The following DENND1A variants were observed in gnomAD, a reference collection of about 807,000 sequenced individuals.
DENND1A encodes DENN domain containing 1A.
A neutral mutation model predicts 113.7 loss-of-function variants in DENND1A; 51 were observed. That is an observed-to-expected ratio of 0.45 (90% CI 0.36 to 0.57). DENND1A has a LOEUF of 0.57. DENND1A is among the 20% of genes least tolerant of loss of function. The pLI, the probability that DENND1A is intolerant of heterozygous loss-of-function variation, is 0.00. For synonymous variants in DENND1A, 565 were observed against 570.8 expected, an observed-to-expected ratio of 0.99 and a Z score of 0.14; for missense variants, 1,258 against 1,395.9, an observed-to-expected ratio of 0.90 and a Z score of 1.57.
intron 2 of DENND1A, among the ~76,000 whole-genome samples, chr9:123,849,617 C>T (rs1373413596): frequency 6.6e-6 from 1 of 152,128 alleles, no homozygotes; most frequent in Non-Finnish European, 1.5e-5. Flanking sequence ...TTCTGCAGCC[C>T]CTGGATCAAG....
At chr9:123,715,444 T>A (rs112761275) in intron 5 of DENND1A, among the ~76,000 whole-genome samples, 1 of 152,172 alleles carries the variant, frequency 6.6e-6, no homozygotes, top group African/African-American at 2.4e-5. Context: ...CATATAAAAC[T>A]TCCTTTCTTC....
chr9:123,384,035 G>T, intron 22 of DENND1A, 122 bp from the exon 23 acceptor site: 1 of 1,296,810 alleles, frequency 7.7e-7, no homozygotes, highest in Non-Finnish European at 1.0e-6. Context: ...GGACAGGAGA[G>T]TGTCCCGGGG....
At chr9:123,617,957 A>G (rs551306890) in intron 10 of DENND1A, among the ~76,000 whole-genome samples, 1 of 152,302 alleles carries the variant, frequency 6.6e-6, no homozygotes, top group African/African-American at 2.4e-5. Flanking sequence ...AGCGCAACTG[A>G]TAATAAAAGG....
At chr9:123,780,793 A>G (rs540474561) in intron 3 of DENND1A, among the ~76,000 whole-genome samples, 2 of 152,274 alleles carry the variant, frequency 1.3e-5, no homozygotes, top group East Asian at 3.9e-4. Flanking sequence ...ACCAATGGTT[A>G]TCTTTTCTTG....
intron 21 of DENND1A, among the ~76,000 whole-genome samples, chr9:123,402,338 C>G (rs373805087): frequency 2.0e-5 from 3 of 152,340 alleles, no homozygotes; most frequent in East Asian, 3.9e-4. Flanking sequence ...TCCTTAAAGA[C>G]CGTACCCTCG....
At chr9:123,717,495 G>T (rs966105307) in intron 5 of DENND1A, among the ~76,000 whole-genome samples, 2 of 152,146 alleles carry the variant, frequency 1.3e-5, no homozygotes, top group Non-Finnish European at 2.9e-5. Flanking sequence ...TCCAACCTAG[G>T]TTTGTCTGAT....
chr9:123,674,841 C>CTT (rs11327678), intron 6 of DENND1A, among the ~76,000 whole-genome samples: 3 of 132,344 alleles, frequency 2.3e-5, no homozygotes, highest in Non-Finnish European at 4.8e-5. Flanking sequence ...GTTTTTTTCT[C>CTT]TTTTTTTTTT....
At chr9:123,842,074 A>G (rs1841921587) in intron 2 of DENND1A, among the ~76,000 whole-genome samples, 1 of 152,226 alleles carries the variant, frequency 6.6e-6, no homozygotes, top group Non-Finnish European at 1.5e-5. Context: ...AACAATTTGT[A>G]TTAAGTCCCA....
intron 19 of DENND1A, among the ~76,000 whole-genome samples, chr9:123,435,484 A>T (rs1471663384): frequency 6.6e-6 from 1 of 152,200 alleles, no homozygotes; most frequent in Non-Finnish European, 1.5e-5. Flanking sequence ...AGCTTTTCAA[A>T]CTTTACATTA....
At chr9:123,673,753 G>C (rs991718413) in intron 6 of DENND1A, among the ~76,000 whole-genome samples, 1 of 152,112 alleles carries the variant, frequency 6.6e-6, no homozygotes, top group Non-Finnish European at 1.5e-5. Context: ...CACACCAATG[G>C]CTCCTATTCC....
intron 5 of DENND1A, among the ~76,000 whole-genome samples, chr9:123,689,510 T>C (rs1461163089): frequency 1.3e-5 from 2 of 152,214 alleles, no homozygotes; most frequent in African/African-American, 4.8e-5. Flanking sequence ...TTTTAAATGA[T>C]AGTTCTTTTA....
intron 5 of DENND1A, among the ~76,000 whole-genome samples, chr9:123,715,676 A>C (rs1445203229): frequency 1.3e-5 from 2 of 151,854 alleles, no homozygotes; most frequent in African/African-American, 4.8e-5. Context: ...TCTGTTTTTT[A>C]TTGTTGCTTT....
At chr9:123,916,702 G>GA (rs1855207657) in intron 1 of DENND1A, among the ~76,000 whole-genome samples, 1 of 152,076 alleles carries the variant, frequency 6.6e-6, no homozygotes, top group South Asian at 2.1e-4. Context: ...AAGGACAAAT[G>GA]AAAATCTAAA....
intron 13 of DENND1A, among the ~76,000 whole-genome samples, chr9:123,534,792 T>C (rs921437442): frequency 1.3e-5 from 2 of 152,244 alleles, no homozygotes. Flanking sequence ...ATCATATCTT[T>C]CCCCTGTTTT....
At chr9:123,523,759 C>A (rs1424796108) in intron 13 of DENND1A, among the ~76,000 whole-genome samples, 1 of 152,194 alleles carries the variant, frequency 6.6e-6, no homozygotes, top group East Asian at 1.9e-4. Flanking sequence ...CAAGGTCAGG[C>A]TTTAGAATCA....
At chr9:123,587,070 T>A (rs1254406211) in intron 11 of DENND1A, among the ~76,000 whole-genome samples, 1 of 148,822 alleles carries the variant, frequency 6.7e-6, no homozygotes, top group East Asian at 1.9e-4. Flanking sequence ...TCCAGGGGGG[T>A]CACCAGCTTC....
At chr9:123,702,567 G>A (rs1404946581) in intron 5 of DENND1A, among the ~76,000 whole-genome samples, 1 of 152,076 alleles carries the variant, frequency 6.6e-6, no homozygotes, top group Non-Finnish European at 1.5e-5. Flanking sequence ...CAAGACAAAA[G>A]AAGCAAATAA....
intron 5 of DENND1A, among the ~76,000 whole-genome samples, chr9:123,726,811 T>A (rs1322897769): frequency 6.6e-6 from 1 of 152,346 alleles, no homozygotes; most frequent in African/African-American, 2.4e-5. Flanking sequence ...GAAACCCACA[T>A]AAACATTTTT....
At chr9:123,414,873 C>T (rs2044598438) in intron 19 of DENND1A, among the ~76,000 whole-genome samples, 1 of 152,208 alleles carries the variant, frequency 6.6e-6, no homozygotes, top group Non-Finnish European at 1.5e-5. Context: ...ACTCACTTCT[C>T]TGTTTACCAT....
Sources: gnomAD v4.1 joint callset for allele counts (sites outside exome capture counted in the v4.1 genomes callset) on GRCh38, gnomAD v4.1.1 for gene constraint, MANE v1.5 for transcripts, NCBI Gene and HGNC (gene_info 2026-07-23, HGNC 2026-07-21) for gene names.